Variants in GAB1 observed in about 807,000 individuals in gnomAD.
The protein encoded by GAB1 is GRB2-associated-binding protein 1.
GAB1 carries 19 observed loss-of-function variants against 66.5 expected under a neutral mutation model. The observed-to-expected ratio is 0.29, with a 90% CI of 0.20 to 0.42. The LOEUF (loss-of-function observed/expected upper bound fraction) is 0.42, where lower values mean the gene tolerates loss of function less well. Among genes scored for constraint, GAB1 ranks in the 10% least tolerant of loss-of-function variants. GAB1 has a pLI of 1.00. For synonymous variants in GAB1, 294 were observed against 301.4 expected (o/e 0.98, Z 0.25); for missense variants, 732 against 858.5 (o/e 0.85, Z 1.84).
At chr4:143,367,372 C>A (rs1023108913) in intron 1 of GAB1, among the ~76,000 whole-genome samples, 1 of 151,902 alleles carries the variant, frequency 6.6e-6, no homozygotes, top group East Asian at 1.9e-4. Flanking sequence ...AAAGGAAATT[C>A]GATATTTATT....
At chr4:143,416,646 C>T (rs1011898195) in intron 2 of GAB1, among the ~76,000 whole-genome samples, 6 of 151,940 alleles carry the variant, frequency 3.9e-5, no homozygotes, top group South Asian at 2.1e-4. Context: ...TGGTGGCACA[C>T]GCCTGTAGTT....
intron 1 of GAB1, among the ~76,000 whole-genome samples, chr4:143,341,361 AT>A (rs1728818191): frequency 1.3e-5 from 2 of 152,236 alleles, no homozygotes; most frequent in Non-Finnish European, 2.9e-5. Flanking sequence ...AGAACCTGAA[AT>A]TTTAGCTGAA....
At chr4:143,406,310 C>T (rs969020894) in intron 1 of GAB1, among the ~76,000 whole-genome samples, 3 of 152,014 alleles carry the variant, frequency 2.0e-5, no homozygotes, top group African/African-American at 4.8e-5. Flanking sequence ...ATTAATGGCT[C>T]AATGACTGTG....
At chr4:143,412,381 T>C (rs1732443775) in intron 1 of GAB1, among the ~76,000 whole-genome samples, 2 of 152,200 alleles carry the variant, frequency 1.3e-5, no homozygotes, top group Admixed American at 6.5e-5. Context: ...GAAAGCACTC[T>C]CTTCATTGTG....
chr4:143,429,193 C>T (rs1286589478), intron 2 of GAB1, among the ~76,000 whole-genome samples: 3 of 152,154 alleles, frequency 2.0e-5, no homozygotes, highest in Admixed American at 1.3e-4. Context: ...ACCTCCGCCT[C>T]CTGGATTCAA....
chr4:143,466,274 T>A, intron 9 of GAB1, 49 bp downstream of exon 9: 1 of 1,561,444 alleles, frequency 6.4e-7, no homozygotes, highest in Non-Finnish European at 8.7e-7. Flanking sequence ...TAGTTCACAC[T>A]TCAAACCTGA....
At chr4:143,451,263 A>G (rs1734915823) in intron 6 of GAB1, among the ~76,000 whole-genome samples, 1 of 152,138 alleles carries the variant, frequency 6.6e-6, no homozygotes, top group Admixed American at 6.5e-5. Flanking sequence ...GTTAGAATAA[A>G]CAACATGCCC....
At chr4:143,375,098 C>T (rs1730357281) in intron 1 of GAB1, among the ~76,000 whole-genome samples, 1 of 152,186 alleles carries the variant, frequency 6.6e-6, no homozygotes, top group African/African-American at 2.4e-5. Context: ...TAGGTGCCCG[C>T]CACAACGCCT....
chr4:143,414,765 G>A (rs1312480394), intron 1 of GAB1, among the ~76,000 whole-genome samples: 3 of 152,138 alleles, frequency 2.0e-5, no homozygotes, highest in African/African-American at 7.2e-5. Context: ...TAATATTAAT[G>A]CATGAAAATC....
intron 6 of GAB1, among the ~76,000 whole-genome samples, chr4:143,442,823 A>G (rs781644849): frequency 3.9e-5 from 6 of 151,946 alleles, no homozygotes; most frequent in Admixed American, 6.6e-5. Flanking sequence ...TTCAGAGACA[A>G]TTGTGAGTTC....
intron 2 of GAB1, among the ~76,000 whole-genome samples, chr4:143,419,590 C>T (rs1038537584): frequency 3.9e-5 from 6 of 152,106 alleles, no homozygotes; most frequent in Non-Finnish European, 7.4e-5. Flanking sequence ...CCAAGTACAG[C>T]TGTGTTAATC....
chr4:143,371,102 T>C (rs1293523964), intron 1 of GAB1, among the ~76,000 whole-genome samples: 3 of 152,168 alleles, frequency 2.0e-5, no homozygotes, highest in Non-Finnish European at 4.4e-5. Context: ...TTTCTAGTTC[T>C]AGATCCCTGA....
At chr4:143,417,322 G>A (rs1732745428) in intron 2 of GAB1, 2 of 298,636 alleles carry the variant, frequency 6.7e-6, no homozygotes, top group Non-Finnish European at 1.3e-5. Context: ...GAGATTTGGG[G>A]TGCCTATCCT....
chr4:143,470,746 CTG>C lies in GAB1; in HGVS notation c.*1559_*1560del, dbSNP rs1736034859. Reference sequence around the variant, plus strand: ...TGACCCCCTCCATTCAGACCTCTAACTGTTGCCTGAGTACACAGATGTGCCCT... The same window carrying C: ...TGACCCCCTCCATTCAGACCTCTAACTTGCCTGAGTACACAGATGTGCCCT... On this transcript the variant is annotated 3_prime_UTR_variant, in exon 10 of 10. Coordinates refer to ENST00000262994, the MANE Select transcript of GAB1 (RefSeq NM_002039.4). The C allele has an allele frequency of 6.6e-6, 1 of 152,220 alleles. No individual in the cohort carries two copies. The highest frequency in any genetic ancestry group is 2.1e-4 in the South Asian group (1 of 4,834). 9.4% of individuals were successfully genotyped at this position (152,220 alleles called of 1,614,324 possible).
intron 2 of GAB1, among the ~76,000 whole-genome samples, chr4:143,423,886 C>T (rs1345019394): frequency 8.0e-6 from 1 of 125,692 alleles, no homozygotes; most frequent in Admixed American, 9.6e-5. Context: ...AAAAAGGAAA[C>T]TTTGAATCTC....
chr4:143,382,815 C>T (rs1026641501), intron 1 of GAB1, among the ~76,000 whole-genome samples: 4 of 151,806 alleles, frequency 2.6e-5, no homozygotes, highest in African/African-American at 9.7e-5. Context: ...TGGCCTCAGA[C>T]CCTGTTATGC....
At chr4:143,366,565 T>C (rs1043466749) in intron 1 of GAB1, among the ~76,000 whole-genome samples, 3 of 152,182 alleles carry the variant, frequency 2.0e-5, no homozygotes, top group Non-Finnish European at 2.9e-5. Context: ...TCAAAGTTTC[T>C]ATATTAGGTA....
intron 1 of GAB1, among the ~76,000 whole-genome samples, chr4:143,370,906 C>G (rs1002473100): frequency 1.3e-4 from 20 of 152,310 alleles, no homozygotes; most frequent in African/African-American, 4.8e-4. Flanking sequence ...GCATAGTATT[C>G]CATGGTGTAT....
chr4:143,452,557 A>G (rs1187613972), intron 6 of GAB1, among the ~76,000 whole-genome samples: 3 of 152,306 alleles, frequency 2.0e-5, no homozygotes, highest in South Asian at 2.1e-4. Flanking sequence ...TGGTAATACT[A>G]TTAACAACCA....
Sources: allele counts gnomAD v4.1 joint callset (sites outside exome capture counted in the v4.1 genomes callset), GRCh38; gene constraint gnomAD v4.1.1; transcripts MANE v1.5; gene names NCBI Gene and HGNC (gene_info 2026-07-23, HGNC 2026-07-21).